Variants in CUEDC1 observed in about 807,000 individuals in gnomAD.
CUEDC1 encodes CUE domain-containing protein 1.
In CUEDC1, 30 loss-of-function variants were observed where a neutral mutation model predicts 43.7. That is an observed-to-expected ratio of 0.69 (90% CI 0.51 to 0.93). The LOEUF is 0.93. Among genes scored for constraint, CUEDC1 ranks in the 40% least tolerant of loss-of-function variants. The pLI, the probability that CUEDC1 is intolerant of heterozygous loss-of-function variation, is 0.00. For synonymous variants in CUEDC1, 223 were observed against 223.6 expected (o/e 1.00, Z 0.02); for missense variants, 486 against 549.0 (o/e 0.89, Z 1.15).
intron 1 of CUEDC1, among the ~76,000 whole-genome samples, chr17:57,899,592 C>T (rs2074449824): frequency 6.6e-6 from 1 of 152,312 alleles, no homozygotes; most frequent in East Asian, 1.9e-4. Context: ...TGCCAGCACA[C>T]AGCTCACATG....
At chr17:57,933,300 T>A (rs1162749073) in intron 1 of CUEDC1, among the ~76,000 whole-genome samples, 1 of 150,048 alleles carries the variant, frequency 6.7e-6, no homozygotes, top group Non-Finnish European at 1.5e-5. Flanking sequence ...TAACTTTATA[T>A]AGCCTTGATG....
At chr17:57,932,889 C>T (rs557290530) in intron 1 of CUEDC1, among the ~76,000 whole-genome samples, 20 of 151,688 alleles carry the variant, frequency 1.3e-4, no homozygotes, top group African/African-American at 4.8e-4. Context: ...CTGGTCCAGG[C>T]GCTAGAGCAA....
chr17:57,893,590 C>A (rs928990151), intron 1 of CUEDC1, among the ~76,000 whole-genome samples: 3 of 152,118 alleles, frequency 2.0e-5, no homozygotes, highest in Non-Finnish European at 2.9e-5. Flanking sequence ...ATTCCCGAGG[C>A]CCCCAGAGCT....
At position 57,879,871 on chromosome 17, in the gene CUEDC1, G is replaced by A. The variant is rs79184152; in HGVS notation, c.337-133C>T. ...TGTGTTGCTAGTGGGAGTGTAAATC[G>A]ATACAATCACCACTTTAGAAAACTG... On this transcript the variant is annotated intron_variant, in intron 2 of 10. Transcript: ENST00000577830. 1,270 of 908,740 alleles carry A rather than the reference G, an allele frequency of 1.4e-3. 20 individuals carry two copies. The East Asian group carries it at 0.017, about 12-fold the overall frequency. The allele number at this position is 908,740 out of a possible 1,614,324, so 56.3% of individuals were successfully genotyped here.
At chr17:57,952,470 AC>A (rs983322613) in intron 1 of CUEDC1, among the ~76,000 whole-genome samples, 6 of 151,484 alleles carry the variant, frequency 4.0e-5, no homozygotes, top group African/African-American at 1.2e-4. Context: ...CAGGTGATCC[AC>A]CCCCCTCGGC....
intron 1 of CUEDC1, among the ~76,000 whole-genome samples, chr17:57,945,947 C>G (rs2074956186): frequency 6.6e-6 from 1 of 151,892 alleles, no homozygotes; most frequent in South Asian, 2.1e-4. Context: ...ATTACTTGAA[C>G]CCGGGCGGGT....
At chr17:57,953,569 G>T (rs2075027713) in intron 1 of CUEDC1, among the ~76,000 whole-genome samples, 1 of 152,204 alleles carries the variant, frequency 6.6e-6, no homozygotes, top group Non-Finnish European at 1.5e-5. Flanking sequence ...GGAGGTCCTG[G>T]TTCCAAGGGG....
chr17:57,881,630 G>A (rs942983558), intron 2 of CUEDC1, among the ~76,000 whole-genome samples: 1 of 152,208 alleles, frequency 6.6e-6, no homozygotes, highest in African/African-American at 2.4e-5. Context: ...TATTCCCACT[G>A]ATATGGGTCA....
chr17:57,897,584 G>A (rs1411809943), intron 1 of CUEDC1, among the ~76,000 whole-genome samples: 3 of 151,434 alleles, frequency 2.0e-5, no homozygotes, highest in African/African-American at 7.3e-5. Flanking sequence ...GCAGGAGAAT[G>A]GTGTGAACCC....
At chr17:57,916,871 A>T (rs1469708331) in intron 1 of CUEDC1, among the ~76,000 whole-genome samples, 2 of 152,158 alleles carry the variant, frequency 1.3e-5, no homozygotes, top group East Asian at 3.9e-4. Flanking sequence ...TTATTTCATT[A>T]TTCACTTCTC....
intron 3 of CUEDC1, among the ~76,000 whole-genome samples, chr17:57,874,476 T>G (rs1407818477): frequency 6.6e-6 from 1 of 152,164 alleles, no homozygotes; most frequent in African/African-American, 2.4e-5. Context: ...TGGCAGGAGC[T>G]CTGTGCCATG....
chr17:57,868,612 G>A (rs2073993267), intron 7 of CUEDC1: 1 of 358,178 alleles, frequency 2.8e-6, no homozygotes, highest in African/African-American at 2.1e-5. Context: ...CACCTCCAAA[G>A]TTGGTTCTGG....
chr17:57,928,152 A>T lies in CUEDC1; in HGVS notation c.-316+27073T>A, dbSNP rs563907997. ...GGTCTATGGAACCCCTCGTCCCAAA[A>T]ATCGAATGCAATTTAATGTGTTTGT... On this transcript the variant is annotated intron_variant, in intron 1 of 10. Transcript: ENST00000577830. Among the ~76,000 whole-genome samples, 16 of 152,290 alleles carry T rather than the reference A, an allele frequency of 1.1e-4. No homozygotes were observed. In the South Asian group the frequency reaches 3.3e-3, roughly 32 times the overall value.
At chr17:57,949,436 C>T (rs2074985259) in intron 1 of CUEDC1, among the ~76,000 whole-genome samples, 1 of 152,096 alleles carries the variant, frequency 6.6e-6, no homozygotes, top group Non-Finnish European at 1.5e-5. Flanking sequence ...ACCCTCCAGG[C>T]ATGTTCCAAC....
chr17:57,867,451 AG>A (rs2073976385), intron 8 of CUEDC1, 36 bp from the exon 9 acceptor site: 1 of 1,538,582 alleles, frequency 6.5e-7, no homozygotes, highest in Non-Finnish European at 8.8e-7. Flanking sequence ...CCCAGGGATG[AG>A]GGGACACTGC....
At chr17:57,875,329 TG>T (rs1018025143) in intron 3 of CUEDC1, among the ~76,000 whole-genome samples, 3 of 152,138 alleles carry the variant, frequency 2.0e-5, no homozygotes, top group African/African-American at 7.2e-5. Context: ...GAGGTGCACC[TG>T]GACCCCTCTA....
chr17:57,934,497 T>C (rs117655771), intron 1 of CUEDC1, among the ~76,000 whole-genome samples: 507 of 138,536 alleles, frequency 3.7e-3, no homozygotes, highest in Admixed American at 5.9e-3. Context: ...TTCCAGGTTA[T>C]AGTGAGCCAT....
At chr17:57,945,525 C>T (rs748289123) in intron 1 of CUEDC1, among the ~76,000 whole-genome samples, 4 of 152,164 alleles carry the variant, frequency 2.6e-5, no homozygotes, top group Middle Eastern at 3.2e-3. Context: ...GTGGTGAAAT[C>T]TCCTTATGGC....
chr17:57,861,375 G>C lies in CUEDC1; in HGVS notation c.*1914C>G, dbSNP rs1769159579. On this transcript the variant is annotated 3_prime_UTR_variant, in exon 11 of 11. Transcript: ENST00000577830. ...ACAGTCCTGGGCCAAACAGGAAGGCGACAGCGCTAGACGCAGCCGGCAGGT... is the reference window on the plus strand; with the variant it reads ...ACAGTCCTGGGCCAAACAGGAAGGCCACAGCGCTAGACGCAGCCGGCAGGT... The C allele has an allele frequency of 6.6e-6, 1 of 152,278 alleles. No homozygotes were observed. The highest frequency in any genetic ancestry group is 1.5e-5 in the Non-Finnish European group (1 of 68,080). 9.4% of individuals were successfully genotyped at this position (152,278 alleles called of 1,614,324 possible). A position where few individuals can be genotyped will look rare whatever the true frequency, so the allele number is the denominator to read the frequency against.
Sources: gnomAD v4.1 joint callset for allele counts (sites outside exome capture counted in the v4.1 genomes callset) on GRCh38, gnomAD v4.1.1 for gene constraint, MANE v1.5 for transcripts, NCBI Gene and HGNC (gene_info 2026-07-23, HGNC 2026-07-21) for gene names.